Variants in ROBO1 observed in about 807,000 individuals in gnomAD.
ROBO1 encodes roundabout homolog 1.
In ROBO1, 149 loss-of-function variants were observed where a neutral mutation model predicts 195.9. The observed-to-expected ratio is 0.76, with a 90% CI of 0.67 to 0.87. ROBO1 has a LOEUF of 0.87. ROBO1 is among the 40% of genes least tolerant of loss of function. ROBO1 has a pLI of 0.00. For synonymous variants in ROBO1, 816 were observed against 733.2 expected (o/e 1.11, Z -1.82); for missense variants, 1,933 against 2,068.3 (o/e 0.93, Z 1.27).
chr3:79,256,309 G>A (rs1174737734), intron 2 of ROBO1, among the ~76,000 whole-genome samples: 1 of 152,126 alleles, frequency 6.6e-6, no homozygotes, highest in East Asian at 1.9e-4. Flanking sequence ...CATGGTACAT[G>A]TGTTCATTAC....
At chr3:79,119,191 T>C (rs1193322662) in intron 3 of ROBO1, among the ~76,000 whole-genome samples, 1 of 152,148 alleles carries the variant, frequency 6.6e-6, no homozygotes, top group Non-Finnish European at 1.5e-5. Context: ...ACCTTTAATT[T>C]TTAAGAAATA....
chr3:79,030,608 A>G (rs1035643120), intron 3 of ROBO1, among the ~76,000 whole-genome samples: 3 of 152,252 alleles, frequency 2.0e-5, no homozygotes, highest in African/African-American at 7.2e-5. Flanking sequence ...CTATACAAAC[A>G]TCTTCAAAGC....
In ROBO1 at chr3:79,352,439, T is replaced by A. The variant is rs79311217; in HGVS notation, c.89-226900A>T. 6.4e-3 allele frequency among the ~76,000 whole-genome samples: 973 copies of A among 152,302 alleles called. 16 individuals are homozygous for A. Among genetic ancestry groups the A allele is most frequent in the African/African-American group, 0.022 (925 of 41,572 alleles). ...AACTATAATGCATTATCAAAACCAG[T>A]AAAATGATATTGGCTTAACACCGTC... On this transcript the variant is annotated intron_variant, in intron 2 of 30. Transcript: ENST00000464233.
At chr3:78,607,873 TA>T (rs1448026868) in intron 28 of ROBO1, among the ~76,000 whole-genome samples, 1 of 152,194 alleles carries the variant, frequency 6.6e-6, no homozygotes, top group African/African-American at 2.4e-5. Flanking sequence ...GAACCAGGAC[TA>T]ACCAATGGTT....
At chr3:79,595,769 G>A (rs1375991651) in intron 1 of ROBO1, among the ~76,000 whole-genome samples, 1 of 148,096 alleles carries the variant, frequency 6.8e-6, no homozygotes, top group African/African-American at 2.5e-5. Flanking sequence ...TGCCCAAGAT[G>A]GTCTCGAACT....
chr3:78,687,166 A>G (rs1265906442), intron 9 of ROBO1, among the ~76,000 whole-genome samples: 1 of 152,192 alleles, frequency 6.6e-6, no homozygotes, highest in Non-Finnish European at 1.5e-5. Flanking sequence ...ACTTAAATGA[A>G]TCATCAAAAT....
At chr3:79,536,420 T>TTCTC (rs150383103) in intron 2 of ROBO1, among the ~76,000 whole-genome samples, 15,183 of 151,980 alleles carry the variant, frequency 0.1, 973 homozygotes, top group East Asian at 0.17. Flanking sequence ...TTCCATCGCT[T>TTCTC]TCTGTCAATA....
intron 2 of ROBO1, among the ~76,000 whole-genome samples, chr3:79,359,176 C>A (rs1023477955): frequency 5.3e-5 from 8 of 151,844 alleles, no homozygotes; most frequent in African/African-American, 1.7e-4. Flanking sequence ...AATTTTCTAG[C>A]AATATCTAAT....
At chr3:79,739,673 GA>G (rs944406294) in intron 1 of ROBO1, among the ~76,000 whole-genome samples, 1 of 152,078 alleles carries the variant, frequency 6.6e-6, no homozygotes, top group African/African-American at 2.4e-5. Context: ...AGAAGCTAGG[GA>G]AAAGATTACT....
At chr3:79,597,893 T>C (rs1413987967) in intron 1 of ROBO1, among the ~76,000 whole-genome samples, 1 of 152,076 alleles carries the variant, frequency 6.6e-6, no homozygotes, top group African/African-American at 2.4e-5. Context: ...GGCAAGATTC[T>C]CTAATTTGTC....
At chr3:78,977,501 A>G (rs111336280) in intron 3 of ROBO1, among the ~76,000 whole-genome samples, 42 of 152,000 alleles carry the variant, frequency 2.8e-4, no homozygotes, top group African/African-American at 9.6e-4. Context: ...TCAAACAGCA[A>G]TGTAACCTCC....
chr3:78,913,879 C>A (rs957337986), intron 4 of ROBO1, among the ~76,000 whole-genome samples: 1 of 152,120 alleles, frequency 6.6e-6, no homozygotes, highest in Non-Finnish European at 1.5e-5. Context: ...GGAAGTACTT[C>A]TAGAGAGGGT....
chr3:79,216,369 A>G (rs1208509650), intron 2 of ROBO1, among the ~76,000 whole-genome samples: 2 of 152,090 alleles, frequency 1.3e-5, no homozygotes, highest in Non-Finnish European at 2.9e-5. Flanking sequence ...CTCTTATAGT[A>G]ATATGAATTA....
chr3:79,571,174 A>G (rs533833839), intron 2 of ROBO1, among the ~76,000 whole-genome samples: 1 of 152,216 alleles, frequency 6.6e-6, no homozygotes, highest in East Asian at 1.9e-4. Context: ...AGAAGATTAG[A>G]TCAATTTATG....
intron 2 of ROBO1, among the ~76,000 whole-genome samples, chr3:79,397,904 A>T (rs1051682642): frequency 6.6e-6 from 1 of 152,206 alleles, no homozygotes; most frequent in Non-Finnish European, 1.5e-5. Context: ...AAACATTAAA[A>T]ATAAATTGTT....
chr3:79,376,046 C>T (rs575405194), intron 2 of ROBO1, among the ~76,000 whole-genome samples: 3 of 152,280 alleles, frequency 2.0e-5, no homozygotes, highest in South Asian at 4.1e-4. Context: ...CATTTCCAAT[C>T]CGTGTAACCT....
intron 22 of ROBO1, among the ~76,000 whole-genome samples, chr3:78,636,935 TTATATATATA>T (rs55894934): frequency 0.02 from 1,966 of 96,688 alleles, 78 homozygotes; most frequent in African/African-American, 0.065. Context: ...TACATTCATT[TTATATATATA>T]TATATATATA....
chr3:79,025,523 A>AT (rs541872421), intron 3 of ROBO1, among the ~76,000 whole-genome samples: 449 of 152,264 alleles, frequency 2.9e-3, no homozygotes, highest in African/African-American at 0.01. Flanking sequence ...GAATGAATGA[A>AT]TGAGTTTTAT....
chr3:79,108,337 T>A (rs2079821913), intron 3 of ROBO1, among the ~76,000 whole-genome samples: 1 of 151,746 alleles, frequency 6.6e-6, no homozygotes, highest in African/African-American at 2.4e-5. Flanking sequence ...CATAATTCAC[T>A]TGTTCACCTA....
Sources: gnomAD v4.1 joint callset for allele counts (sites outside exome capture counted in the v4.1 genomes callset) on GRCh38, gnomAD v4.1.1 for gene constraint, MANE v1.5 for transcripts, NCBI Gene and HGNC (gene_info 2026-07-23, HGNC 2026-07-21) for gene names.